Variants in CEACAM21 observed in about 807,000 individuals in gnomAD.
The protein encoded by CEACAM21 is cell adhesion molecule CEACAM21.
A neutral mutation model predicts 33.2 loss-of-function variants in CEACAM21; 38 were observed. The ratio of observed to expected loss-of-function variants is 1.14; its 90% CI spans 0.88 to 1.50. CEACAM21 has a LOEUF of 1.50. CEACAM21 is among the 40% of genes most tolerant of loss of function. The pLI, the probability that CEACAM21 is intolerant of heterozygous loss-of-function variation, is 0.00. For missense variants in CEACAM21, 385 were observed against 364.6 expected (o/e 1.06, Z -0.46); for synonymous variants, 156 against 143.0 (o/e 1.09, Z -0.65).
intron 1 of CEACAM21, chr19:41,552,405 T>G (rs1196726561): frequency 1.3e-5 from 2 of 152,174 alleles, no homozygotes; most frequent in East Asian, 3.9e-4. Context: ...CTTCTTTGTT[T>G]TGTCATGCTG....
chr19:41,552,486 G>T (rs1027861112), intron 1 of CEACAM21, among the ~76,000 whole-genome samples: 2 of 152,270 alleles, frequency 1.3e-5, no homozygotes, highest in Admixed American at 1.3e-4. Context: ...GTAGAAAGGC[G>T]CTGGCACTTT....
intron 1 of CEACAM21, among the ~76,000 whole-genome samples, chr19:41,556,557 C>T (rs1425931640): frequency 1.3e-5 from 2 of 152,176 alleles, no homozygotes; most frequent in Non-Finnish European, 2.9e-5. Flanking sequence ...AGATTTTAGC[C>T]AACACAAAGA....
chr19:41,554,884 A>G (rs1037218668), intron 1 of CEACAM21: 2 of 152,062 alleles, frequency 1.3e-5, no homozygotes, highest in Non-Finnish European at 1.5e-5. Context: ...TAAACCTTTC[A>G]CAACTTGCTT....
chr19:41,582,022 T>G (rs1202703170), intron 3 of CEACAM21, among the ~76,000 whole-genome samples: 1 of 152,220 alleles, frequency 6.6e-6, no homozygotes, highest in Admixed American at 6.5e-5. Context: ...CTTCCACCTA[T>G]AAGCCTGTAA....
chr19:41,574,381 A>G (rs934412981), upstream of CEACAM21, among the ~76,000 whole-genome samples: 29 of 152,246 alleles, frequency 1.9e-4, no homozygotes, highest in African/African-American at 6.8e-4. Context: ...TTGTGCTTCA[A>G]AGAACACCAT....
At chr19:41,550,886 A>G (rs2041160608) in intron 1 of CEACAM21, among the ~76,000 whole-genome samples, 1 of 152,238 alleles carries the variant, frequency 6.6e-6, no homozygotes, top group Non-Finnish European at 1.5e-5. Flanking sequence ...ATGATCATGA[A>G]AAGGAATTTA....
chr19:41,559,511 TAAGAA>T (rs1449147934), intron 1 of CEACAM21, among the ~76,000 whole-genome samples: 1 of 151,970 alleles, frequency 6.6e-6, no homozygotes, highest in Non-Finnish European at 1.5e-5. Flanking sequence ...ATTTTTATAG[TAAGAA>T]AAGAGCAATG....
chr19:41,585,100 C>T lies in CEACAM21; in HGVS notation c.798-343C>T, dbSNP rs370951372. Among the ~76,000 whole-genome samples, 20 of 152,260 alleles carry T rather than the reference C, an allele frequency of 1.3e-4. No homozygotes were observed. In the East Asian group the frequency reaches 2.3e-3, roughly 18 times the overall value. On this transcript the variant is annotated intron_variant, in intron 4 of 6. Coordinates refer to ENST00000401445, the MANE Select transcript of CEACAM21 (RefSeq NM_001098506.4). ...GTCCCCTCAGTGTCCTGCACATGTGCCTGGCCCTGCTTTCCCCCTGGTGCC... is the reference window on the plus strand; with the variant it reads ...GTCCCCTCAGTGTCCTGCACATGTGTCTGGCCCTGCTTTCCCCCTGGTGCC...
chr19:41,582,451 G>A (rs987020991), intron 3 of CEACAM21, among the ~76,000 whole-genome samples: 16 of 152,174 alleles, frequency 1.1e-4, no homozygotes, highest in African/African-American at 2.4e-4. Flanking sequence ...ACTCTGTGTC[G>A]GGGTTCCAAC....
At chr19:41,565,104 G>T (rs1357738066) in intron 2 of CEACAM21, 1 of 152,456 alleles carries the variant, frequency 6.6e-6, no homozygotes, top group Non-Finnish European at 1.5e-5. Flanking sequence ...CGCCCCAAGC[G>T]CGGCTGGGAG....
In CEACAM21 at chr19:41,576,179, G is replaced by C. The variant is rs1600240463; in HGVS notation, c.-96G>C. ...AGGAAGCTCAGCATAGAGGAAGGAA[G>C]GACAGCAGAGACAACAGTCACAGTA... On this transcript the variant is annotated 5_prime_UTR_variant, in exon 1 of 7. Coordinates refer to ENST00000401445, the MANE Select transcript of CEACAM21 (RefSeq NM_001098506.4). The C allele has an allele frequency of 2.1e-6, 3 of 1,429,202 alleles. No individual in the cohort carries two copies. In the East Asian group the frequency reaches 7.0e-5, roughly 33 times the overall value. The allele number at this position is 1,429,202 out of a possible 1,614,324, so 88.5% of individuals were successfully genotyped here.
At chr19:41,581,154 T>C (rs2043348243) in intron 3 of CEACAM21, among the ~76,000 whole-genome samples, 2 of 152,242 alleles carry the variant, frequency 1.3e-5, no homozygotes, top group Non-Finnish European at 2.9e-5. Flanking sequence ...TGGAAGGTTA[T>C]GGGTTTACAG....
At chr19:41,576,797 T>TG (rs1418132251) in intron 1 of CEACAM21, among the ~76,000 whole-genome samples, 3 of 151,756 alleles carry the variant, frequency 2.0e-5, no homozygotes, top group African/African-American at 7.3e-5. Context: ...CACAATCTCA[T>TG]GGGGGGGAAG....
rs782493641 is a variant in CEACAM21 at position 41,555,971 on chromosome 19, T to C, written c.-779+6419T>C. ...CACAGTACAAAGTAATGCCTGGTAC[T>C]CACAAAACCAAAGCAATCAGCCAAG... On this transcript the variant is annotated intron_variant, in intron 1 of 7. Transcript: ENST00000407170. Among the ~76,000 whole-genome samples, 219 of 152,272 alleles carry C rather than the reference T, an allele frequency of 1.4e-3. 1 individual carries two copies. The highest frequency in any genetic ancestry group is 1.6e-3 in the Admixed American group (24 of 15,300).
At chr19:41,586,388 G>T in intron 6 of CEACAM21, 76 bp from the exon 7 acceptor site, 1 of 613,266 alleles carries the variant, frequency 1.6e-6, no homozygotes, top group Non-Finnish European at 3.1e-6. Context: ...AGTAGCCCTG[G>T]GTGGGCCCAG....
intron 2 of CEACAM21, among the ~76,000 whole-genome samples, chr19:41,569,341 G>A (rs1303692722): frequency 2.0e-5 from 3 of 152,020 alleles, no homozygotes; most frequent in Middle Eastern, 3.2e-3. Flanking sequence ...AGCCTCCTGA[G>A]TGACTGGGAC....
chr19:41,573,967 T>C (rs2122210436), upstream of CEACAM21, among the ~76,000 whole-genome samples: 1 of 152,252 alleles, frequency 6.6e-6, no homozygotes, highest in East Asian at 1.9e-4. Context: ...CTACAATCAT[T>C]AAAACAGTGT....
At position 41,576,181 on chromosome 19, in the gene CEACAM21, A is replaced by T; in HGVS notation, c.-94A>T. The stretch of plus-strand genomic sequence containing the variant: ...GAAGCTCAGCATAGAGGAAGGAAGG[A>T]CAGCAGAGACAACAGTCACAGTAAC... On this transcript the variant is annotated 5_prime_UTR_variant, in exon 1 of 7. Transcript: ENST00000401445. 1 of 1,440,568 alleles carries T rather than the reference A, an allele frequency of 6.9e-7. No individual in the cohort carries two copies. Among genetic ancestry groups the T allele is most frequent in the Non-Finnish European group, 9.7e-7 (1 of 1,031,272 alleles). 89.2% of individuals were successfully genotyped at this position (1,440,568 alleles called of 1,614,324 possible).
chr19:41,576,728 G>A (rs1441327629), intron 1 of CEACAM21, among the ~76,000 whole-genome samples: 2 of 152,196 alleles, frequency 1.3e-5, no homozygotes. Context: ...GGAGTCTGCA[G>A]CCTGTCCCAG....
Sources: gnomAD v4.1 joint callset for allele counts (sites outside exome capture counted in the v4.1 genomes callset) on GRCh38, gnomAD v4.1.1 for gene constraint, MANE v1.5 for transcripts, NCBI Gene and HGNC (gene_info 2026-07-23, HGNC 2026-07-21) for gene names.